The following MAGI2 variants were observed in gnomAD, a reference collection of about 807,000 sequenced individuals.
The protein encoded by MAGI2 is membrane associated guanylate kinase, WW and PDZ domain containing 2.
A neutral mutation model predicts 133.3 loss-of-function variants in MAGI2; 35 were observed. The observed-to-expected ratio is 0.26, with a 90% CI of 0.20 to 0.35. The LOEUF is 0.35. Among genes scored for constraint, MAGI2 ranks in the 10% least tolerant of loss-of-function variants. The probability of loss-of-function intolerance (pLI) is 1.00; values close to 1 mark genes in which losing one functional copy is unlikely to be tolerated. For missense variants in MAGI2, 1,636 were observed against 1,863.4 expected (o/e 0.88, Z 2.25); for synonymous variants, 729 against 710.6 (o/e 1.03, Z -0.41).
At chr7:78,870,116 A>G (rs909153836) in intron 2 of MAGI2, among the ~76,000 whole-genome samples, 3 of 152,146 alleles carry the variant, frequency 2.0e-5, no homozygotes, top group Admixed American at 1.3e-4. Context: ...TCACCAAGAA[A>G]AAAGAAATAA....
intron 1 of MAGI2, among the ~76,000 whole-genome samples, chr7:79,405,916 C>T (rs1039242878): frequency 2.8e-5 from 2 of 70,404 alleles, no homozygotes; most frequent in African/African-American, 7.1e-5. Context: ...CTTGTAACCA[C>T]AACACAAAAA....
intron 21 of MAGI2, among the ~76,000 whole-genome samples, chr7:78,033,642 G>T (rs1809853003): frequency 6.6e-6 from 1 of 152,122 alleles, no homozygotes; most frequent in Non-Finnish European, 1.5e-5. Flanking sequence ...CTGTGGAGTG[G>T]GTGGGAAGAG....
At chr7:78,244,829 CA>C (rs66484577) in intron 10 of MAGI2, among the ~76,000 whole-genome samples, 30,660 of 145,904 alleles carry the variant, frequency 0.21, 4,733 homozygotes, top group African/African-American at 0.43. Flanking sequence ...CCAAAGATGG[CA>C]AAAAAAAAAG....
At chr7:79,274,585 T>A (rs1563068825) in intron 1 of MAGI2, among the ~76,000 whole-genome samples, 10 of 150,216 alleles carry the variant, frequency 6.7e-5, no homozygotes, top group Non-Finnish European at 1.3e-4. Context: ...ATATTATATA[T>A]TTTTTTTCAA....
chr7:79,404,672 G>C (rs1342688037), intron 1 of MAGI2, among the ~76,000 whole-genome samples: 1 of 152,012 alleles, frequency 6.6e-6, no homozygotes, highest in Admixed American at 6.6e-5. Flanking sequence ...CCCTGAGCTA[G>C]GCCCAATGCT....
chr7:78,401,729 ATTTAT>A (rs1057238223), intron 6 of MAGI2, among the ~76,000 whole-genome samples: 1 of 152,148 alleles, frequency 6.6e-6, no homozygotes, highest in Non-Finnish European at 1.5e-5. Context: ...GCTGTTAGTA[ATTTAT>A]TTTAAATTTT....
chr7:79,365,191 A>C (rs1160898090), intron 1 of MAGI2, among the ~76,000 whole-genome samples: 2 of 152,238 alleles, frequency 1.3e-5, no homozygotes, highest in African/African-American at 4.8e-5. Context: ...ATGAGCTATC[A>C]CTATATACCT....
chr7:78,453,616 C>A (rs1241884306), intron 6 of MAGI2, among the ~76,000 whole-genome samples: 1 of 152,128 alleles, frequency 6.6e-6, no homozygotes, highest in African/African-American at 2.4e-5. Context: ...CCAGCCATAC[C>A]TCCCCCGCTG....
chr7:79,435,686 G>A (rs546157857), intron 1 of MAGI2, among the ~76,000 whole-genome samples: 17 of 152,124 alleles, frequency 1.1e-4, no homozygotes, highest in South Asian at 2.1e-4. Flanking sequence ...CCATGCCAAC[G>A]AGAGCAATCT....
At chr7:78,316,407 G>A (rs1787414942) in intron 9 of MAGI2, among the ~76,000 whole-genome samples, 1 of 152,122 alleles carries the variant, frequency 6.6e-6, no homozygotes, top group African/African-American at 2.4e-5. Context: ...AACATTCTGA[G>A]ATCTTTAAGT....
chr7:79,224,602 G>C lies in MAGI2; in HGVS notation c.302-217396C>G, dbSNP rs552661625. Among the ~76,000 whole-genome samples, 3 of 152,116 alleles carry C rather than the reference G, an allele frequency of 2.0e-5. No individual in the cohort carries two copies. In the East Asian group the frequency reaches 5.8e-4, roughly 29 times the overall value. On this transcript the variant is annotated intron_variant, in intron 1 of 21. Transcript: ENST00000354212. ...CAATTGGGGAATGAATTAAGACTCA[G>C]GGTTACATCCATCAATGGAATACCA...
chr7:78,310,777 C>A, intron 9 of MAGI2, among the ~76,000 whole-genome samples: 1 of 151,992 alleles, frequency 6.6e-6, no homozygotes, highest in Non-Finnish European at 1.5e-5. Context: ...TGGAGGATAG[C>A]AATACTAGCA....
At chr7:78,247,970 C>T (rs963237733) in intron 10 of MAGI2, among the ~76,000 whole-genome samples, 6 of 152,110 alleles carry the variant, frequency 3.9e-5, no homozygotes, top group African/African-American at 4.8e-5. Context: ...ATTAATGAAG[C>T]TTACAGGTTC....
In MAGI2 at chr7:78,863,304, T is replaced by C. The variant is rs541630672; in HGVS notation, c.418+143786A>G. ...AGGCTGGGTGACTTGTAGAGGAGTT[T>C]ATTTAGCTTATGACTTTTCTGGCTG... On this transcript the variant is annotated intron_variant, in intron 2 of 21. Coordinates refer to ENST00000354212, the MANE Select transcript of MAGI2 (RefSeq NM_012301.4). Among the ~76,000 whole-genome samples the C allele has an allele frequency of 5.3e-5, 8 of 152,316 alleles. No individual in the cohort carries two copies. The South Asian group carries it at 1.7e-3, about 32-fold the overall frequency.
At chr7:78,574,014 A>G (rs1236883211) in intron 3 of MAGI2, among the ~76,000 whole-genome samples, 2 of 152,158 alleles carry the variant, frequency 1.3e-5, no homozygotes, top group African/African-American at 2.4e-5. Context: ...TTCTCCATTG[A>G]TATTTCTCCA....
intron 1 of MAGI2, among the ~76,000 whole-genome samples, chr7:79,060,334 T>C (rs1403204778): frequency 1.3e-5 from 2 of 152,100 alleles, no homozygotes; most frequent in Non-Finnish European, 1.5e-5. Flanking sequence ...TATGCAATTA[T>C]CTTTTTCATG....
At chr7:78,302,452 T>C (rs941511853) in intron 9 of MAGI2, among the ~76,000 whole-genome samples, 2 of 152,206 alleles carry the variant, frequency 1.3e-5, no homozygotes, top group African/African-American at 4.8e-5. Context: ...AAACATACTT[T>C]ATATAGAACA....
At position 79,235,551 on chromosome 7, in the gene MAGI2, G is replaced by A. The variant is rs191078945; in HGVS notation, c.301+217469C>T. ...CGCAATATTTGGGTGGGAGTGACCC[G>A]ATTTTCCAGGTGCGTCCGTCACCCC... On this transcript the variant is annotated intron_variant, in intron 1 of 21. Coordinates refer to ENST00000354212, the MANE Select transcript of MAGI2 (RefSeq NM_012301.4). 4.8e-3 allele frequency among the ~76,000 whole-genome samples: 737 copies of A among 152,322 alleles called. 3 individuals carry two copies. Among genetic ancestry groups the A allele is most frequent in the South Asian group, 0.011 (52 of 4,832 alleles).
chr7:79,028,269 GTATGTATGTA>G (rs1398920022), intron 1 of MAGI2, among the ~76,000 whole-genome samples: 1 of 21,356 alleles, frequency 4.7e-5, no homozygotes. Flanking sequence ...ATATATATAT[GTATGTATGTA>G]TATATATATA....
Sources: gnomAD v4.1 joint callset for allele counts (sites outside exome capture counted in the v4.1 genomes callset) on GRCh38, gnomAD v4.1.1 for gene constraint, MANE v1.5 for transcripts, NCBI Gene and HGNC (gene_info 2026-07-23, HGNC 2026-07-21) for gene names.